The following ZNF644 variants were observed in gnomAD, a reference collection of about 807,000 sequenced individuals.
The protein encoded by ZNF644 is zinc finger protein 644.
Under a neutral mutation model 108.0 loss-of-function variants are expected in ZNF644, and 20 were observed. The ratio of observed to expected loss-of-function variants is 0.19; its 90% CI spans 0.13 to 0.27. The LOEUF (loss-of-function observed/expected upper bound fraction) is 0.27, where lower values mean the gene tolerates loss of function less well. ZNF644 is among the 10% of genes least tolerant of loss of function. The pLI, the probability that ZNF644 is intolerant of heterozygous loss-of-function variation, is 1.00. For synonymous variants in ZNF644, 542 were observed against 539.1 expected (o/e 1.01, Z -0.08); for missense variants, 1,338 against 1,548.9 (o/e 0.86, Z 2.29).
intron 1 of ZNF644, among the ~76,000 whole-genome samples, chr1:90,991,141 T>G (rs1445622538): frequency 6.6e-6 from 1 of 152,194 alleles, no homozygotes; most frequent in Non-Finnish European, 1.5e-5. Flanking sequence ...GAAGCAGCAC[T>G]TCGGCAACAA....
At chr1:91,012,506 AAG>A (rs1196023741) in intron 1 of ZNF644, among the ~76,000 whole-genome samples, 1 of 151,956 alleles carries the variant, frequency 6.6e-6, no homozygotes, top group Non-Finnish European at 1.5e-5. Context: ...GGAAAAGAAA[AAG>A]AAACAAGCAA....
rs1557658483 is a variant in ZNF644, at chr1:91,007,220, A to ATTTTT, written c.-18+14769_-18+14770insAAAAA. On this transcript the variant is annotated intron_variant, in intron 1 of 5. Coordinates refer to ENST00000337393, the MANE Select transcript of ZNF644 (RefSeq NM_201269.3). ...TTCTTAATTTCTTCCATTTTCTCCC[A>ATTTTT]TTTTGTTTTTTTTTTTTTTTTTTTT... is the stretch of plus-strand genomic sequence containing the variant. Among the ~76,000 whole-genome samples the ATTTTT allele has an allele frequency of 2.4e-3, 74 of 30,304 alleles. 7 individuals are homozygous for ATTTTT. Among genetic ancestry groups the ATTTTT allele is most frequent in the Non-Finnish European group, 3.5e-3 (53 of 15,270 alleles). The allele number at this position is 30,304 out of a possible 152,430, so 19.9% of individuals were successfully genotyped here.
At chr1:91,007,219 C>CCT (rs1557658445) in intron 1 of ZNF644, among the ~76,000 whole-genome samples, 1 of 114,248 alleles carries the variant, frequency 8.8e-6, no homozygotes, top group African/African-American at 3.3e-5. Flanking sequence ...CATTTTCTCC[C>CCT]ATTTTGTTTT....
intron 2 of ZNF644, among the ~76,000 whole-genome samples, chr1:90,978,418 C>T (rs1420060288): frequency 1.3e-5 from 2 of 151,214 alleles, no homozygotes; most frequent in Non-Finnish European, 2.9e-5. Flanking sequence ...TGGAAAGGGT[C>T]AATGTACGTT....
At chr1:90,984,419 C>T (rs1656878840) in intron 1 of ZNF644, among the ~76,000 whole-genome samples, 1 of 151,538 alleles carries the variant, frequency 6.6e-6, no homozygotes, top group South Asian at 2.1e-4. Context: ...AGGCCTTTAC[C>T]CAATATGACT....
intron 1 of ZNF644, among the ~76,000 whole-genome samples, chr1:91,017,651 C>T (rs952779437): frequency 3.9e-5 from 6 of 152,028 alleles, no homozygotes; most frequent in African/African-American, 1.4e-4. Context: ...ATAAGAGTTC[C>T]CAGGAAGTTC....
chr1:90,940,124 G>A lies in ZNF644; in HGVS notation c.1230C>T (p.Tyr410=), dbSNP rs181929689. Residue 410 remains tyrosine, a synonymous_variant, in exon 3 of 6, where the codon TAC becomes TAT. Coordinates refer to ENST00000337393, the MANE Select transcript of ZNF644 (RefSeq NM_201269.3). Reference sequence around the variant, plus strand: ...AATTCACATTGCACTTTGTACAGGGGTAGAATGATGGCTCTTCGGTACTGA... The same window carrying A: ...AATTCACATTGCACTTTGTACAGGGATAGAATGATGGCTCTTCGGTACTGA... The part of the protein sequence containing the change: ...ATFSTEEPSF[Y]PCTKCNVNFR... The A allele has an allele frequency of 4.5e-5, 72 of 1,614,060 alleles. No individual in the cohort carries two copies. The highest frequency in any genetic ancestry group is 5.4e-5 in the Non-Finnish European group (64 of 1,179,970).
intron 4 of ZNF644, among the ~76,000 whole-genome samples, chr1:90,932,187 A>G (rs1418976761): frequency 1.3e-5 from 2 of 152,190 alleles, no homozygotes; most frequent in Non-Finnish European, 2.9e-5. Flanking sequence ...TCTTCCCTCA[A>G]AAGGTCACCA....
At chr1:90,989,393 A>T (rs182722920) in intron 1 of ZNF644, among the ~76,000 whole-genome samples, 139 of 152,166 alleles carry the variant, frequency 9.1e-4, no homozygotes, top group South Asian at 8.7e-3. Context: ...TACTAAAAAA[A>T]ATAAATAGGT....
intron 5 of ZNF644, 119 bp downstream of exon 5, chr1:90,917,933 T>C (rs1648985559): frequency 3.6e-6 from 3 of 836,318 alleles, no homozygotes; most frequent in East Asian, 2.6e-5. Context: ...AAAGTTCATT[T>C]ATAACTTGAT....
At chr1:90,936,892 AAT>A (rs1651376252) in intron 4 of ZNF644, among the ~76,000 whole-genome samples, 1 of 152,178 alleles carries the variant, frequency 6.6e-6, no homozygotes, top group Non-Finnish European at 1.5e-5. Context: ...ACCCCAAACA[AAT>A]ATGTTTTATG....
chr1:91,013,498 CACAT>C (rs1185436726), intron 1 of ZNF644, among the ~76,000 whole-genome samples: 14 of 151,690 alleles, frequency 9.2e-5, no homozygotes, highest in African/African-American at 3.4e-4. Context: ...CACACACACA[CACAT>C]ATACACACCC....
rs1651657242 is a variant in ZNF644 at position 90,939,050 on chromosome 1, T to A, written c.2304A>T (p.Ser768=). 1 of 1,614,058 alleles carries A rather than the reference T, an allele frequency of 6.2e-7. No individual in the cohort carries two copies. Among genetic ancestry groups the A allele is most frequent in the Non-Finnish European group, 8.5e-7 (1 of 1,179,924 alleles). The change falls in exon 3 of 6, where the codon TCA becomes TCT. Residue 768 remains serine (S), a synonymous_variant. Coordinates refer to ENST00000337393, the MANE Select transcript of ZNF644 (RefSeq NM_201269.3). The part of the protein sequence containing the change: ...PVHFKKEEAS[S]LNSLHLFSSS... ...ATGAAAACAGGTGTAAAGAATTTAA[T>A]GAACTAGCTTCTTCTTTTTTGAAAT...
chr1:91,020,745 A>G (rs1660829609), intron 1 of ZNF644: 1 of 152,236 alleles, frequency 6.6e-6, no homozygotes, highest in South Asian at 2.1e-4. Context: ...TTACAACTAA[A>G]GCAAACTACT....
At position 90,937,627 on chromosome 1, in the gene ZNF644, T is replaced by C. The variant is rs1651473796; in HGVS notation, c.3546A>G (p.Glu1182=). 6.2e-7 allele frequency: 1 copy of C among 1,613,832 alleles called. No homozygotes were observed. The highest frequency in any genetic ancestry group is 8.5e-7 in the Non-Finnish European group (1 of 1,179,876). The change falls in exon 4 of 6, where the codon GAA becomes GAG. Residue 1182 remains glutamate, a synonymous_variant. Coordinates refer to ENST00000337393, the MANE Select transcript of ZNF644 (RefSeq NM_201269.3). Reference sequence around the variant, plus strand: ...GAGGAGAAATAGCAGAATTCCTTTCTTCTCCCATCCTTTTATTTTTAAGAA... The same window carrying C: ...GAGGAGAAATAGCAGAATTCCTTTCCTCTCCCATCCTTTTATTTTTAAGAA... ...IELLKNKRMG[E]ERNSAISPQK...
At chr1:91,012,079 T>C (rs534706681) in intron 1 of ZNF644, among the ~76,000 whole-genome samples, 29 of 151,976 alleles carry the variant, frequency 1.9e-4, no homozygotes, top group Non-Finnish European at 3.5e-4. Flanking sequence ...TAATGAACAC[T>C]AAGAAGCACC....
intron 2 of ZNF644, among the ~76,000 whole-genome samples, chr1:90,958,070 G>A (rs1439747983): frequency 6.6e-6 from 1 of 151,518 alleles, no homozygotes; most frequent in Admixed American, 6.6e-5. Context: ...GTAACCTCAT[G>A]ACCAGCCTGG....
intron 1 of ZNF644, among the ~76,000 whole-genome samples, chr1:91,003,090 A>G (rs1570559623): frequency 6.6e-6 from 1 of 152,368 alleles, no homozygotes; most frequent in African/African-American, 2.4e-5. Context: ...GTGGGAGTGT[A>G]AACTACTTCA....
Position 90,938,985 on chromosome 1 carries a change from T to C in ZNF644, c.2369A>G (p.His790Arg), listed in dbSNP as rs540022014. The C allele has an allele frequency of 4.3e-6, 7 of 1,614,048 alleles. No individual in the cohort carries two copies. The African/African-American group carries it at 8.0e-5, about 18-fold the overall frequency. Residue 790 changes from histidine (H) to arginine (R), a missense_variant, in exon 3 of 6, where the codon CAT becomes CGT. By Grantham distance (29) the His-to-Arg change is conservative. Coordinates refer to ENST00000337393, the MANE Select transcript of ZNF644 (RefSeq NM_201269.3). The surrounding 1 kb of genome is among the most constrained non-coding windows in gnomAD (Gnocchi z 4.2). Reference protein sequence around the residue: ...NSHNNFISDPHKPDAKRPESF... With the variant: ...NSHNNFISDPRKPDAKRPESF... ...TTCAGGCCTTTTGGCGTCAGGCTTA[T>C]GAGGGTCTGAAATAAAATTGTTGTG...
Sources: gnomAD v4.1 joint callset for allele counts (sites outside exome capture counted in the v4.1 genomes callset) on GRCh38, gnomAD v4.1.1 for gene constraint, Gnocchi (gnomAD v3.1) non-coding constraint, MANE v1.5 for transcripts, NCBI Gene and HGNC (gene_info 2026-07-23, HGNC 2026-07-21) for gene names.